Variants in MTUS2 observed in about 807,000 individuals in gnomAD.
The protein encoded by MTUS2 is microtubule associated scaffold protein 2, also known as microtubule-associated tumor suppressor candidate 2.
MTUS2 carries 40 observed loss-of-function variants against 114.1 expected under a neutral mutation model. The observed-to-expected ratio is 0.35, with a 90% confidence interval of 0.27 to 0.46. The LOEUF is 0.46. Among genes scored for constraint, MTUS2 ranks in the 20% least tolerant of loss-of-function variants. The pLI is 1.00. For synonymous variants in MTUS2, 688 were observed against 672.0 expected, an observed-to-expected ratio of 1.02 and a Z score of -0.37; for missense variants, 1,679 against 1,705.4, an observed-to-expected ratio of 0.98 and a Z score of 0.27.
In MTUS2 at chr13:29,388,677, A is replaced by T. The variant is rs531242403; in HGVS notation, c.3117+29204A>T. 3.1e-4 allele frequency among the ~76,000 whole-genome samples: 46 copies of T among 148,296 alleles called. No individual in the cohort carries two copies. The East Asian group carries it at 3.7e-3, about 12-fold the overall frequency. On this transcript the variant is annotated intron_variant, in intron 8 of 15. Transcript: ENST00000612955. ...TAAGTCACCTTTTAAAAATAAAATT[A>T]AAATTTAAAAAAATTTAAAATAAAA... is the stretch of plus-strand genomic sequence containing the variant.
At position 29,480,515 on chromosome 13, in the gene MTUS2, CCT is replaced by C; in HGVS notation, c.3399+156_3399+157del. 3 of 837,614 alleles carry C rather than the reference CCT, an allele frequency of 3.6e-6. No homozygotes were observed. Among genetic ancestry groups the C allele is most frequent in the Non-Finnish European group, 5.4e-6 (3 of 560,074 alleles). The allele number at this position is 837,614 out of a possible 1,614,324, so 51.9% of individuals were successfully genotyped here. On this transcript the variant is annotated intron_variant, in intron 10 of 15. Coordinates refer to ENST00000612955, the MANE Select transcript of MTUS2 (RefSeq NM_001033602.4). The surrounding 1 kb of genome is among the most constrained non-coding windows in gnomAD (Gnocchi z 4.4). ...AGTTGCTTTCTCCTTTCTCCCCGCT[CCT>C]CTCTTCTCCTCCAGCCACTGTGGCC...
chr13:29,005,911 A>G (rs941768880), intron 2 of MTUS2, among the ~76,000 whole-genome samples: 4 of 152,246 alleles, frequency 2.6e-5, no homozygotes, highest in Non-Finnish European at 5.9e-5. Context: ...TGAGTTTTGA[A>G]GATGAAACTA....
At chr13:29,120,478 C>T (rs1891263437) in intron 5 of MTUS2, among the ~76,000 whole-genome samples, 2 of 151,704 alleles carry the variant, frequency 1.3e-5, no homozygotes, top group Non-Finnish European at 2.9e-5. Flanking sequence ...AGATAAATTC[C>T]TAGATTACTT....
At chr13:29,377,909 C>G (rs1001904282) in intron 8 of MTUS2, among the ~76,000 whole-genome samples, 3 of 152,114 alleles carry the variant, frequency 2.0e-5, no homozygotes, top group African/African-American at 4.8e-5. Flanking sequence ...TTGTCAGCAT[C>G]GGCAATGGAA....
intron 6 of MTUS2, among the ~76,000 whole-genome samples, chr13:29,289,406 C>T (rs529098869): frequency 1.3e-5 from 2 of 151,826 alleles, no homozygotes; most frequent in East Asian, 3.9e-4. Context: ...GTTCCTACTC[C>T]ATGGGGTTGT....
chr13:29,119,182 A>G (rs983371080), intron 5 of MTUS2, among the ~76,000 whole-genome samples: 1 of 152,212 alleles, frequency 6.6e-6, no homozygotes, highest in Non-Finnish European at 1.5e-5. Context: ...CTAAACTCTT[A>G]TGGTAGTGCT....
intron 6 of MTUS2, among the ~76,000 whole-genome samples, chr13:29,283,883 A>G (rs527630042): frequency 5.9e-5 from 9 of 152,366 alleles, no homozygotes; most frequent in Admixed American, 2.6e-4. Flanking sequence ...CCTACCAATC[A>G]TACTGGCAAA....
chr13:29,217,292 T>G (rs1019829622), intron 5 of MTUS2, among the ~76,000 whole-genome samples: 21 of 152,208 alleles, frequency 1.4e-4, no homozygotes, highest in African/African-American at 4.1e-4. Context: ...TTGAAATATA[T>G]TCATATTGAT....
rs1010481947 is a variant in MTUS2, at chr13:29,480,852, C to T, written c.3399+488C>T. Among the ~76,000 whole-genome samples, 3 of 152,090 alleles carry T rather than the reference C, an allele frequency of 2.0e-5. No individual in the cohort carries two copies. The highest frequency in any genetic ancestry group is 4.8e-5 in the African/African-American group (2 of 41,402). Reference sequence around the variant, plus strand: ...AACAAGCAAACATGTATGTAGCACTCGTCCTACACCAGACACTGCTCTAAG... The same window carrying T: ...AACAAGCAAACATGTATGTAGCACTTGTCCTACACCAGACACTGCTCTAAG... On this transcript the variant is annotated intron_variant, in intron 10 of 15. Transcript: ENST00000612955. The surrounding 1 kb of genome is among the most constrained non-coding windows in gnomAD (Gnocchi z 4.4).
intron 2 of MTUS2, among the ~76,000 whole-genome samples, chr13:28,992,179 C>A (rs1884891356): frequency 6.6e-6 from 1 of 152,204 alleles, no homozygotes. Flanking sequence ...ATTTGGAAAC[C>A]AAAACCAGGA....
intron 2 of MTUS2, among the ~76,000 whole-genome samples, chr13:28,973,695 A>G (rs897367598): frequency 4.6e-5 from 7 of 152,228 alleles, no homozygotes; most frequent in African/African-American, 1.7e-4. Context: ...TTAGAAATCC[A>G]TTTATTTGAA....
chr13:29,399,880 A>C (rs1874193655), intron 8 of MTUS2, among the ~76,000 whole-genome samples: 2 of 152,262 alleles, frequency 1.3e-5, no homozygotes, highest in Admixed American at 1.3e-4. Flanking sequence ...CTCGGAGTTA[A>C]AAAGGAATAA....
chr13:29,092,180 A>C (rs898569460), intron 4 of MTUS2, among the ~76,000 whole-genome samples: 1 of 152,236 alleles, frequency 6.6e-6, no homozygotes, highest in African/African-American at 2.4e-5. Context: ...CTACAAGTCA[A>C]ACCCATGGAA....
chr13:28,971,041 A>C (rs1883831296), intron 2 of MTUS2, among the ~76,000 whole-genome samples: 1 of 152,196 alleles, frequency 6.6e-6, no homozygotes, highest in African/African-American at 2.4e-5. Flanking sequence ...TTTTATTCTA[A>C]ATGTTGCTCA....
chr13:28,908,220 C>T (rs1880170807), intron 2 of MTUS2, among the ~76,000 whole-genome samples: 1 of 151,370 alleles, frequency 6.6e-6, no homozygotes, highest in Non-Finnish European at 1.5e-5. Context: ...ATACATGTGC[C>T]ATGTTGTTGT....
chr13:29,426,711 G>A (rs561962302), intron 8 of MTUS2, among the ~76,000 whole-genome samples: 10 of 152,222 alleles, frequency 6.6e-5, no homozygotes, highest in Non-Finnish European at 1.0e-4. Flanking sequence ...AGATGAGTTT[G>A]GCTTGTTTTG....
At chr13:29,300,662 C>T (rs1235468424) in intron 6 of MTUS2, among the ~76,000 whole-genome samples, 1 of 152,018 alleles carries the variant, frequency 6.6e-6, no homozygotes, top group African/African-American at 2.4e-5. Flanking sequence ...ATGCCAAATA[C>T]TAAGAGTAGT....
At chr13:29,012,764 C>G (rs988659580) in intron 2 of MTUS2, among the ~76,000 whole-genome samples, 2 of 152,060 alleles carry the variant, frequency 1.3e-5, no homozygotes, top group Non-Finnish European at 2.9e-5. Flanking sequence ...GTCCCAGCTA[C>G]TCGGGAGGCT....
At chr13:29,370,360 G>A (rs915879523) in intron 8 of MTUS2, among the ~76,000 whole-genome samples, 1 of 152,062 alleles carries the variant, frequency 6.6e-6, no homozygotes, top group African/African-American at 2.4e-5. Context: ...TACTCAGGAG[G>A]CTGAGGCAGG....
Sources: gnomAD v4.1 joint callset for allele counts (sites outside exome capture counted in the v4.1 genomes callset) on GRCh38, gnomAD v4.1.1 for gene constraint, Gnocchi (gnomAD v3.1) non-coding constraint, MANE v1.5 for transcripts, NCBI Gene and HGNC (gene_info 2026-07-23, HGNC 2026-07-21) for gene names.